SLAIN2: variants seen among roughly 807,000 people sequenced by gnomAD.
SLAIN2 encodes SLAIN motif-containing protein 2.
A neutral mutation model predicts 56.6 loss-of-function variants in SLAIN2; 31 were observed. The observed-to-expected ratio is 0.55, with a 90% CI of 0.41 to 0.74. The LOEUF (loss-of-function observed/expected upper bound fraction) is 0.74. Ranked by LOEUF, SLAIN2 falls within the 30% of genes least tolerant of loss-of-function variation. The pLI is 0.00. For synonymous variants in SLAIN2, 317 were observed against 284.9 expected (o/e 1.11, Z -1.13); for missense variants, 777 against 754.2 (o/e 1.03, Z -0.35).
intron 1 of SLAIN2, among the ~76,000 whole-genome samples, chr4:48,368,079 G>C (rs1715571214): frequency 2.2e-5 from 1 of 45,706 alleles, no homozygotes; most frequent in South Asian, 5.1e-4. Flanking sequence ...GTGTTGCTCT[G>C]TTGCCCAGGC....
intron 2 of SLAIN2, 54 bp downstream of exon 2, chr4:48,370,051 A>C: frequency 1.3e-6 from 2 of 1,564,866 alleles, no homozygotes; most frequent in Non-Finnish European, 1.7e-6. Flanking sequence ...TTAGTCAAAA[A>C]CCATAAATAT....
chr4:48,342,710 G>GTTTTTTTTT (rs1491154102), intron 1 of SLAIN2, among the ~76,000 whole-genome samples: 1 of 30,304 alleles, frequency 3.3e-5, no homozygotes, highest in African/African-American at 7.5e-5. Flanking sequence ...GGATGGTGCT[G>GTTTTTTTTT]CTTTTTTTTT....
At chr4:48,358,006 A>G (rs114275330) in intron 1 of SLAIN2, among the ~76,000 whole-genome samples, 166 of 152,228 alleles carry the variant, frequency 1.1e-3, no homozygotes, top group Non-Finnish European at 2.0e-3. Flanking sequence ...GCCCTATTAA[A>G]GTCTTTAACT....
chr4:48,349,836 G>C (rs541929321), intron 1 of SLAIN2, among the ~76,000 whole-genome samples: 45 of 152,244 alleles, frequency 3.0e-4, no homozygotes, highest in Admixed American at 1.6e-3. Context: ...CATTTATTGA[G>C]TAACTGCCAT....
At chr4:48,405,310 A>C (rs1242697518) in intron 6 of SLAIN2, among the ~76,000 whole-genome samples, 3 of 152,084 alleles carry the variant, frequency 2.0e-5, no homozygotes, top group Non-Finnish European at 4.4e-5. Flanking sequence ...CATAGCAGTC[A>C]CTTCCTTTTT....
At position 48,425,046 on chromosome 4, in the gene SLAIN2, T is replaced by C. The variant is rs1717265008; in HGVS notation, c.*2969T>C. ...ATTCTTTAAGTGTTTAATTAATCTC[T>C]GGATATGGTAAGATTCCTTTTTTCC... On this transcript the variant is annotated 3_prime_UTR_variant, in exon 8 of 8. Coordinates refer to ENST00000264313, the MANE Select transcript of SLAIN2 (RefSeq NM_020846.2). 1 of 152,166 alleles carries C rather than the reference T, an allele frequency of 6.6e-6. No homozygotes were observed. The highest frequency in any genetic ancestry group is 2.4e-5 in the African/African-American group (1 of 41,462). The allele number at this position is 152,166 out of a possible 1,614,324, so 9.4% of individuals were successfully genotyped here.
intron 2 of SLAIN2, among the ~76,000 whole-genome samples, chr4:48,372,009 CACAT>C (rs1560455446): frequency 2.0e-5 from 3 of 150,292 alleles, no homozygotes; most frequent in Non-Finnish European, 3.0e-5. Context: ...CACACACACA[CACAT>C]ATACATATAT....
rs747263438 is a variant in SLAIN2 at position 48,369,837 on chromosome 4, GTCT to G, written c.390-5_390-3del. ...AATAAGGAATTTTCTGTTTTTTGTT[GTCT>G]TCTTCTAGGCTGTATTCATCACCAA... On this transcript the variant is annotated splice_polypyrimidine_tract_variant and intron_variant, in intron 1 of 7. Transcript: ENST00000264313. 2.8e-5 allele frequency: 45 copies of G among 1,597,888 alleles called. No homozygotes were observed. Among genetic ancestry groups the G allele is most frequent in the Non-Finnish European group, 3.5e-5 (41 of 1,173,384 alleles).
Position 48,341,598 on chromosome 4 carries a change from G to A in SLAIN2, c.-142G>A, listed in dbSNP as rs1036172828. 2.6e-5 allele frequency: 33 copies of A among 1,272,666 alleles called. No individual in the cohort carries two copies. In the Admixed American group the frequency reaches 3.4e-4, roughly 13 times the overall value. 78.8% of individuals were successfully genotyped at this position (1,272,666 alleles called of 1,614,324 possible). On this transcript the variant is annotated 5_prime_UTR_variant, in exon 1 of 8. Transcript: ENST00000264313. ...GGCGCTTTGGAACCCGAGGTGGGGG[G>A]ACCCTGGCGGTGGGGCCTGGTCCTG...
chr4:48,372,918 G>A lies in SLAIN2; in HGVS notation c.538+2921G>A, dbSNP rs1032287493. ...TTTTTAAATACACTTTTTTGGTAAG[G>A]CAGAGCTTCCTAGGAACTTAAGTGC... is the stretch of plus-strand genomic sequence containing the variant. On this transcript the variant is annotated intron_variant, in intron 2 of 7. Coordinates refer to ENST00000264313, the MANE Select transcript of SLAIN2 (RefSeq NM_020846.2). 3.3e-5 allele frequency among the ~76,000 whole-genome samples: 5 copies of A among 151,820 alleles called. 1 individual carries two copies. The highest frequency in any genetic ancestry group is 1.2e-4 in the African/African-American group (5 of 41,318).
chr4:48,401,659 C>T (rs1314426991), intron 6 of SLAIN2, among the ~76,000 whole-genome samples: 1 of 152,106 alleles, frequency 6.6e-6, no homozygotes. Context: ...TTATTTTCAG[C>T]CTGTATGTGT....
rs181021222 is a variant in SLAIN2, at chr4:48,414,647, C to T, written c.1361-5478C>T. 6.4e-3 allele frequency among the ~76,000 whole-genome samples: 820 copies of T among 128,380 alleles called. 4 individuals carry two copies. The highest frequency in any genetic ancestry group is 9.9e-3 in the Non-Finnish European group (612 of 62,098). The allele number at this position is 128,380 out of a possible 152,430, so 84.2% of individuals were successfully genotyped here. On this transcript the variant is annotated intron_variant, in intron 6 of 7. Coordinates refer to ENST00000264313, the MANE Select transcript of SLAIN2 (RefSeq NM_020846.2). ...TATGTATACATGTGCCATGCTGGTGCGCTGCACCCACTAATGTGTCATCTA... is the reference window on the plus strand; with the variant it reads ...TATGTATACATGTGCCATGCTGGTGTGCTGCACCCACTAATGTGTCATCTA...
Position 48,423,283 on chromosome 4 carries a change from A to G in SLAIN2, c.*1206A>G, listed in dbSNP as rs1272002324. On this transcript the variant is annotated 3_prime_UTR_variant, in exon 8 of 8. Transcript: ENST00000264313. ...AATTTTTGCATTTTTGGTAAAAAAA[A>G]AACCCTACTACGTATGACTCTAACC... is the stretch of plus-strand genomic sequence containing the variant. 6.6e-6 allele frequency: 1 copy of G among 151,638 alleles called. No individual in the cohort carries two copies. Among genetic ancestry groups the G allele is most frequent in the East Asian group, 1.9e-4 (1 of 5,198 alleles). 9.4% of individuals were successfully genotyped at this position (151,638 alleles called of 1,614,324 possible). A position where few individuals can be genotyped will look rare whatever the true frequency, so the allele number is the denominator to read the frequency against.
intron 6 of SLAIN2, among the ~76,000 whole-genome samples, chr4:48,407,825 C>T (rs189571759): frequency 3.7e-4 from 56 of 152,242 alleles, no homozygotes; most frequent in African/African-American, 1.2e-3. Context: ...CCATAAGAAA[C>T]CCCATACTTA....
At chr4:48,367,059 T>G (rs1004745617) in intron 1 of SLAIN2, among the ~76,000 whole-genome samples, 18 of 152,238 alleles carry the variant, frequency 1.2e-4, no homozygotes, top group African/African-American at 4.3e-4. Context: ...TTATTACAAA[T>G]AGGTTTATTT....
intron 4 of SLAIN2, among the ~76,000 whole-genome samples, chr4:48,381,276 C>T (rs971045466): frequency 1.3e-5 from 2 of 152,032 alleles, no homozygotes; most frequent in Non-Finnish European, 1.5e-5. Flanking sequence ...TCTAAGCCAT[C>T]CACATGCATG....
At chr4:48,403,954 TC>T (rs1716624420) in intron 6 of SLAIN2, among the ~76,000 whole-genome samples, 1 of 152,158 alleles carries the variant, frequency 6.6e-6, no homozygotes, top group Non-Finnish European at 1.5e-5. Flanking sequence ...AAGCGTGGTT[TC>T]CCAAGTCAGG....
At chr4:48,386,121 A>G (rs891283021) in intron 6 of SLAIN2, among the ~76,000 whole-genome samples, 12 of 151,556 alleles carry the variant, frequency 7.9e-5, no homozygotes, top group Admixed American at 7.9e-4. Flanking sequence ...CTACGAAAAA[A>G]CTATATTTGA....
chr4:48,380,943 C>T (rs1388436463), intron 4 of SLAIN2, among the ~76,000 whole-genome samples: 2 of 152,194 alleles, frequency 1.3e-5, no homozygotes, highest in East Asian at 1.9e-4. Context: ...ATATAGCTTC[C>T]CCTAGGAAGA....
Sources: allele counts gnomAD v4.1 joint callset (sites outside exome capture counted in the v4.1 genomes callset), GRCh38; gene constraint gnomAD v4.1.1; transcripts MANE v1.5; gene names NCBI Gene and HGNC (gene_info 2026-07-23, HGNC 2026-07-21).